TAF3: variants seen among roughly 807,000 people sequenced by gnomAD.
TAF3 encodes the protein TATA-box binding protein associated factor 3, also known as transcription initiation factor TFIID subunit 3.
TAF3 carries 7 observed loss-of-function variants against 80.6 expected under a neutral mutation model. That is an observed-to-expected ratio of 0.09 (90% CI 0.05 to 0.16). TAF3 has a LOEUF of 0.16. Ranked by LOEUF, TAF3 falls within the 10% of genes least tolerant of loss-of-function variation. TAF3 has a pLI of 1.00. For synonymous variants in TAF3, 444 were observed against 446.1 expected, an observed-to-expected ratio of 1.00 and a Z score of 0.06; for missense variants, 921 against 1,140.2, an observed-to-expected ratio of 0.81 and a Z score of 2.77.
rs546744452 is a variant in TAF3, at chr10:7,949,160, A to G, written c.410-14760A>G. ...TGTGTGAGTGTCTGTGCGTGCACAG[A>G]TGAAGAACCTTGTGCTCACCATCAC... On this transcript the variant is annotated intron_variant, in intron 2 of 6. Coordinates refer to ENST00000344293, the MANE Select transcript of TAF3 (RefSeq NM_031923.4). Among the ~76,000 whole-genome samples the G allele has an allele frequency of 5.3e-5, 8 of 152,376 alleles. No individual in the cohort carries two copies. In the South Asian group the frequency reaches 1.0e-3, roughly 20 times the overall value.
At chr10:7,994,285 G>T (rs939191669) in intron 4 of TAF3, among the ~76,000 whole-genome samples, 1 of 151,952 alleles carries the variant, frequency 6.6e-6, no homozygotes, top group Non-Finnish European at 1.5e-5. Context: ...TATTTCCACA[G>T]ATCTGGAATT....
At chr10:7,984,134 C>T (rs1831754694) in intron 4 of TAF3, among the ~76,000 whole-genome samples, 1 of 152,042 alleles carries the variant, frequency 6.6e-6, no homozygotes, top group Non-Finnish European at 1.5e-5. Context: ...GATCTTCATC[C>T]CTTTTCTGAT....
chr10:7,872,924 G>A (rs948700083), intron 2 of TAF3, among the ~76,000 whole-genome samples: 1 of 152,118 alleles, frequency 6.6e-6, no homozygotes, highest in Non-Finnish European at 1.5e-5. Flanking sequence ...AGTTTAGAGA[G>A]AATCCAAGCC....
At chr10:7,938,217 A>G (rs1346902852) in intron 2 of TAF3, among the ~76,000 whole-genome samples, 1 of 152,194 alleles carries the variant, frequency 6.6e-6, no homozygotes, top group South Asian at 2.1e-4. Flanking sequence ...CCTAACTTGA[A>G]GCAGTGGAGA....
chr10:7,953,041 CTAT>C (rs1838099812), intron 2 of TAF3, among the ~76,000 whole-genome samples: 1 of 152,076 alleles, frequency 6.6e-6, no homozygotes, highest in South Asian at 2.1e-4. Context: ...GCCTGTTTTC[CTAT>C]TATTTCCTGA....
chr10:7,828,180 C>T (rs1309617675), intron 2 of TAF3, among the ~76,000 whole-genome samples: 4 of 152,020 alleles, frequency 2.6e-5, no homozygotes, highest in Admixed American at 6.6e-5. Flanking sequence ...CTGTAGTGCG[C>T]AATGATTGAG....
At chr10:7,944,953 G>T (rs1838010110) in intron 2 of TAF3, among the ~76,000 whole-genome samples, 1 of 152,188 alleles carries the variant, frequency 6.6e-6, no homozygotes, top group Non-Finnish European at 1.5e-5. Context: ...TTAGAATAAA[G>T]ATTTGGTTAA....
At chr10:7,846,541 A>G (rs1408012825) in intron 2 of TAF3, among the ~76,000 whole-genome samples, 2 of 152,184 alleles carry the variant, frequency 1.3e-5, no homozygotes, top group African/African-American at 4.8e-5. Flanking sequence ...AGTTTTAACT[A>G]TTACAGTTTT....
chr10:7,853,479 A>AT (rs1322975968), intron 2 of TAF3, among the ~76,000 whole-genome samples: 1 of 152,218 alleles, frequency 6.6e-6, no homozygotes, highest in Non-Finnish European at 1.5e-5. Flanking sequence ...AAACTTCAAA[A>AT]TGTATAGTAT....
intron 2 of TAF3, among the ~76,000 whole-genome samples, chr10:7,863,746 T>C (rs1266581319): frequency 7.7e-6 from 1 of 130,442 alleles, no homozygotes; most frequent in Non-Finnish European, 1.7e-5. Flanking sequence ...CATATATATA[T>C]ACACATATAT....
At chr10:7,988,195 C>T (rs1185974560) in intron 4 of TAF3, among the ~76,000 whole-genome samples, 2 of 152,196 alleles carry the variant, frequency 1.3e-5, no homozygotes, top group African/African-American at 2.4e-5. Flanking sequence ...GGTAGGGTAG[C>T]TCATGCCTAT....
intron 2 of TAF3, among the ~76,000 whole-genome samples, chr10:7,906,151 A>C (rs577414138): frequency 6.6e-6 from 1 of 152,198 alleles, no homozygotes; most frequent in South Asian, 2.1e-4. Flanking sequence ...CTCTTGTCCA[A>C]TTCCTCTTTC....
chr10:7,865,890 G>A (rs1837209738), intron 2 of TAF3, among the ~76,000 whole-genome samples: 1 of 152,102 alleles, frequency 6.6e-6, no homozygotes, highest in Non-Finnish European at 1.5e-5. Context: ...TCTTGTCAGC[G>A]TTGATTTATG....
intron 2 of TAF3, among the ~76,000 whole-genome samples, chr10:7,957,792 G>GCTCTCT (rs373350330): frequency 0.2 from 26,793 of 133,574 alleles, 3,016 homozygotes; most frequent in Admixed American, 0.27. Context: ...TCTCTCTAGC[G>GCTCTCT]CGCTCTCTCT....
intron 2 of TAF3, among the ~76,000 whole-genome samples, chr10:7,852,709 T>C (rs1178822424): frequency 6.6e-6 from 1 of 152,228 alleles, no homozygotes; most frequent in Non-Finnish European, 1.5e-5. Flanking sequence ...TTAGCAAACA[T>C]TGAACCATTA....
rs552454976 is a variant in TAF3 at position 7,964,505 on chromosome 10, A to C, written c.995A>C (p.Gln332Pro). The C allele has an allele frequency of 6.2e-7, 1 of 1,613,396 alleles. No homozygotes were observed. Among genetic ancestry groups the C allele is most frequent in the Admixed American group, 1.7e-5 (1 of 59,824 alleles). ...KSPKVTTHIP[Q>P]TPVRPETPNR... ...CCCAAGGTCACGACTCACATTCCCCAAACACCTGTGAGACCTGAAACGCCC... is the reference window on the plus strand; with the variant it reads ...CCCAAGGTCACGACTCACATTCCCCCAACACCTGTGAGACCTGAAACGCCC... Residue 332 changes from glutamine (Q) to proline (P), a missense_variant, in exon 3 of 7, where the codon CAA (glutamine) becomes CCA (proline). By Grantham distance (76) the Gln-to-Pro change is moderately conservative. Transcript: ENST00000344293. This position sits in a 1 kb window ranked among gnomAD's most constrained non-coding sequence, Gnocchi z 4.1.
chr10:7,943,311 T>G (rs1187540865), intron 2 of TAF3, among the ~76,000 whole-genome samples: 1 of 152,192 alleles, frequency 6.6e-6, no homozygotes, highest in Non-Finnish European at 1.5e-5. Context: ...CATTGCAAAC[T>G]CTGACATTTT....
chr10:7,824,640 A>T, intron 2 of TAF3, 80 bp downstream of exon 2: 1 of 1,484,980 alleles, frequency 6.7e-7, no homozygotes, highest in South Asian at 1.3e-5. Context: ...TGCTATGTCA[A>T]CTTTATAAAT....
intron 2 of TAF3, among the ~76,000 whole-genome samples, chr10:7,859,296 AAATAAATAAATAAATAAAT>A (rs1564349757): frequency 6.9e-6 from 1 of 145,802 alleles, no homozygotes; most frequent in Non-Finnish European, 1.5e-5. Flanking sequence ...ATAAATAAAT[AAATAAATAAATAAATAAAT>A]AAAAGAGAAG....
Sources: allele counts gnomAD v4.1 joint callset (sites outside exome capture counted in the v4.1 genomes callset), GRCh38; gene constraint gnomAD v4.1.1; non-coding constraint Gnocchi (gnomAD v3.1); transcripts MANE v1.5; gene names NCBI Gene and HGNC (gene_info 2026-07-23, HGNC 2026-07-21).